The following BLOC1S4 variants were observed in gnomAD, a reference collection of about 807,000 sequenced individuals.
BLOC1S4 encodes biogenesis of lysosomal organelles complex 1 subunit 4.
For synonymous variants in BLOC1S4, 179 were observed against 143.7 expected, an observed-to-expected ratio of 1.25 and a Z score of -1.76; for missense variants, 332 against 308.8, an observed-to-expected ratio of 1.07 and a Z score of -0.56.
rs1336027913 is a variant in BLOC1S4, at chr4:6,717,254, C to T, written c.*391C>T. ...GAATGAACTTTTCTCTGCACTGTGG[C>T]AAAACTGTTATTTTTATGGATTTTA... On this transcript the variant is annotated 3_prime_UTR_variant, in exon 1 of 1. Transcript: ENST00000320776. 5.7e-6 allele frequency: 1 copy of T among 175,176 alleles called. No homozygotes were observed. The highest frequency in any genetic ancestry group is 1.4e-5 in the Non-Finnish European group (1 of 73,850). The allele number at this position is 175,176 out of a possible 1,614,324, so 10.9% of individuals were successfully genotyped here. A position where few individuals can be genotyped will look rare whatever the true frequency, so the allele number is the denominator to read the frequency against.
In BLOC1S4 at chr4:6,716,768, G is replaced by C. The variant is rs1480036280; in HGVS notation, c.559G>C (p.Ala187Pro). 1.9e-6 allele frequency: 3 copies of C among 1,613,932 alleles called. No individual in the cohort carries two copies. In the South Asian group the frequency reaches 3.3e-5, roughly 18 times the overall value. Residue 187 changes from alanine to proline, a missense_variant, in exon 1 of 1, where the codon GCT (alanine) becomes CCT (proline). By Grantham distance (27) the Ala-to-Pro change is conservative. Coordinates refer to ENST00000320776, the MANE Select transcript of BLOC1S4 (RefSeq NM_018366.3). ...CGTGCCCTCGCTCTTTAGCAAGTCT[G>C]CTCCCTCGAGGCCACAGCAAGCCGG... ...MNVPSLFSKS[A>P]PSRPQQAGYE...
chr4:6,716,179 C>A lies in BLOC1S4; in HGVS notation c.-31C>A. On this transcript the variant is annotated 5_prime_UTR_variant, in exon 1 of 1. Transcript: ENST00000320776. ...AGCGTGAGCGCGCGGAGGCCGGAAG[C>A]GAGCGCTGCGCAGTCGGGTGGTCGC... 1.6e-6 allele frequency: 2 copies of A among 1,230,598 alleles called. No homozygotes were observed. Among genetic ancestry groups the A allele is most frequent in the Non-Finnish European group, 2.0e-6 (2 of 985,988 alleles). 76.2% of individuals were successfully genotyped at this position (1,230,598 alleles called of 1,614,324 possible). A position where few individuals can be genotyped will look rare whatever the true frequency, so the allele number is the denominator to read the frequency against.
In BLOC1S4 at chr4:6,716,992, C is replaced by G; in HGVS notation, c.*129C>G. ...GATTTTAAAGTTTACTTTCTACAAACTCTCCGTAGTATATTCATGATTCAG... is the reference window on the plus strand; with the variant it reads ...GATTTTAAAGTTTACTTTCTACAAAGTCTCCGTAGTATATTCATGATTCAG... On this transcript the variant is annotated 3_prime_UTR_variant, in exon 1 of 1. Coordinates refer to ENST00000320776, the MANE Select transcript of BLOC1S4 (RefSeq NM_018366.3). The G allele has an allele frequency of 1.2e-6, 1 of 820,456 alleles. No individual in the cohort carries two copies. Among genetic ancestry groups the G allele is most frequent in the Non-Finnish European group, 1.9e-6 (1 of 525,498 alleles). 50.8% of individuals were successfully genotyped at this position (820,456 alleles called of 1,614,324 possible).
rs1560134436 is a variant in BLOC1S4 at position 6,716,754 on chromosome 4, T to C, written c.545T>C (p.Leu182Pro). The C allele has an allele frequency of 3.7e-6, 6 of 1,613,928 alleles. No homozygotes were observed. In the South Asian group the frequency reaches 5.5e-5, roughly 15 times the overall value. ...CTGCACACGATGAACGTGCCCTCGC[T>C]CTTTAGCAAGTCTGCTCCCTCGAGG... ...KLLHTMNVPS[L>P]FSKSAPSRPQ... Residue 182 changes from leucine to proline, a missense_variant, in exon 1 of 1, where the codon CTC (leucine) becomes CCC (proline). Coordinates refer to ENST00000320776, the MANE Select transcript of BLOC1S4 (RefSeq NM_018366.3).
In BLOC1S4 at chr4:6,716,353, C is replaced by A. The variant is rs1432563803; in HGVS notation, c.144C>A (p.Gly48=). The part of the protein sequence containing the change: ...SSASGPWEDE[G]AEDGAPGRDL... ...CCTCGGGGCCGTGGGAGGACGAGGG[C>A]GCGGAGGACGGCGCGCCGGGCCGCG... The change falls in exon 1 of 1, where the codon GGC becomes GGA. Residue 48 remains glycine (G), a synonymous_variant. Transcript: ENST00000320776. The A allele has an allele frequency of 2.4e-6, 3 of 1,236,432 alleles. No homozygotes were observed. The South Asian group carries it at 1.2e-4, about 50-fold the overall frequency. 76.6% of individuals were successfully genotyped at this position (1,236,432 alleles called of 1,614,324 possible).
In BLOC1S4 at chr4:6,716,411, T is replaced by A; in HGVS notation, c.202T>A (p.Tyr68Asn). Residue 68 changes from tyrosine (Y) to asparagine (N), a missense_variant, in exon 1 of 1, where the codon TAC becomes AAC. Physicochemically the swap from Tyr to Asn is moderately radical, Grantham distance 143. Coordinates refer to ENST00000320776, the MANE Select transcript of BLOC1S4 (RefSeq NM_018366.3). ...LPLLRRAAAG[Y>N]AACLLPGAGA... ...GCTGCTTCGCCGCGCCGCTGCGGGC[T>A]ACGCCGCCTGCCTGCTGCCCGGGGC... is the stretch of plus-strand genomic sequence containing the variant. 6.9e-7 allele frequency: 1 copy of A among 1,452,508 alleles called. No individual in the cohort carries two copies. Among genetic ancestry groups the A allele is most frequent in the Non-Finnish European group, 9.1e-7 (1 of 1,102,580 alleles). 90.0% of individuals were successfully genotyped at this position (1,452,508 alleles called of 1,614,324 possible).
chr4:6,716,322 G>A lies in BLOC1S4; in HGVS notation c.113G>A (p.Ser38Asn). 2.4e-6 allele frequency: 3 copies of A among 1,234,076 alleles called. No individual in the cohort carries two copies. The highest frequency in any genetic ancestry group is 3.0e-6 in the Non-Finnish European group (3 of 990,078). 76.4% of individuals were successfully genotyped at this position (1,234,076 alleles called of 1,614,324 possible). The change falls in exon 1 of 1, where the codon AGC (serine) becomes AAC (asparagine). Residue 38 changes from serine to asparagine, a missense_variant. Ser to Asn is a conservative substitution (Grantham distance 46, BLOSUM62 1). Transcript: ENST00000320776. ...GDSGTVSQSHSSASGPWEDEG... is the reference protein window; with the variant it reads ...GDSGTVSQSHNSASGPWEDEG... Reference sequence around the variant, plus strand: ...AGTGGCACTGTTTCCCAGAGCCACAGCAGCGCCTCGGGGCCGTGGGAGGAC... The same window carrying A: ...AGTGGCACTGTTTCCCAGAGCCACAACAGCGCCTCGGGGCCGTGGGAGGAC...
Position 6,716,246 on chromosome 4 carries a change from G to A in BLOC1S4, c.37G>A (p.Glu13Lys), listed in dbSNP as rs747797436. The A allele has an allele frequency of 6.5e-6, 8 of 1,234,130 alleles. No individual in the cohort carries two copies. In the African/African-American group the frequency reaches 1.2e-4, roughly 19 times the overall value. 76.4% of individuals were successfully genotyped at this position (1,234,130 alleles called of 1,614,324 possible). Residue 13 changes from glutamate (E) to lysine (K), a missense_variant, in exon 1 of 1, where the codon GAG (glutamate) becomes AAG (lysine). Glu to Lys is a moderately conservative substitution (Grantham distance 56). Coordinates refer to ENST00000320776, the MANE Select transcript of BLOC1S4 (RefSeq NM_018366.3). ...CTTTTCGGATGGCGGAGCGCTGCCGGAGGGGCTCGCGGAAGAGGCCGAGCC... is the reference window on the plus strand; with the variant it reads ...CTTTTCGGATGGCGGAGCGCTGCCGAAGGGGCTCGCGGAAGAGGCCGAGCC... Reference protein sequence around the residue: ...GSFSDGGALPEGLAEEAEPQG... With the variant: ...GSFSDGGALPKGLAEEAEPQG...
Position 6,716,732 on chromosome 4 carries a change from C to T in BLOC1S4, c.523C>T (p.His175Tyr). The T allele has an allele frequency of 6.2e-7, 1 of 1,613,690 alleles. No homozygotes were observed. The highest frequency in any genetic ancestry group is 8.5e-7 in the Non-Finnish European group (1 of 1,179,914). ...TFPRAFKKLL[H>Y]TMNVPSLFSK... Reference sequence around the variant, plus strand: ...CCCCAGGGCGTTCAAGAAGCTCCTGCACACGATGAACGTGCCCTCGCTCTT... The same window carrying T: ...CCCCAGGGCGTTCAAGAAGCTCCTGTACACGATGAACGTGCCCTCGCTCTT... The change falls in exon 1 of 1, where the codon CAC becomes TAC. Residue 175 changes from histidine (H) to tyrosine (Y), a missense_variant. By Grantham distance (83) the His-to-Tyr change is moderately conservative. Coordinates refer to ENST00000320776, the MANE Select transcript of BLOC1S4 (RefSeq NM_018366.3).
Position 6,716,545 on chromosome 4 carries a change from C to A in BLOC1S4, c.336C>A (p.His112Gln), listed in dbSNP as rs746865812. 7 of 1,563,198 alleles carry A rather than the reference C, an allele frequency of 4.5e-6. No individual in the cohort carries two copies. Among genetic ancestry groups the A allele is most frequent in the Non-Finnish European group, 6.0e-6 (7 of 1,159,274 alleles). ...ACATGCTTCGCGGCGACTCGTCCCA[C>A]GTCGTCAGCGAGGGCGTGCCGCGCA... ...MLDMLRGDSS[H>Q]VVSEGVPRIH... Residue 112 changes from histidine to glutamine, a missense_variant, in exon 1 of 1, where the codon CAC (histidine) becomes CAA (glutamine). Coordinates refer to ENST00000320776, the MANE Select transcript of BLOC1S4 (RefSeq NM_018366.3).
At position 6,716,610 on chromosome 4, in the gene BLOC1S4, G is replaced by T; in HGVS notation, c.401G>T (p.Arg134Met). The T allele has an allele frequency of 6.2e-7, 1 of 1,606,630 alleles. No homozygotes were observed. Residue 134 changes from arginine to methionine, a missense_variant, in exon 1 of 1, where the codon AGG becomes ATG. Coordinates refer to ENST00000320776, the MANE Select transcript of BLOC1S4 (RefSeq NM_018366.3). The part of the protein sequence containing the change: ...KAAEMRRIYS[R>M]IDRLEAFVRM... The stretch of plus-strand genomic sequence containing the variant: ...GCCGAGATGCGGCGCATCTACAGCA[G>T]GATCGACCGGCTGGAGGCCTTCGTG...
Position 6,716,406 on chromosome 4 carries a change from C to G in BLOC1S4, c.197C>G (p.Ala66Gly), listed in dbSNP as rs759741775. 1 of 1,322,084 alleles carries G rather than the reference C, an allele frequency of 7.6e-7. No homozygotes were observed. Among genetic ancestry groups the G allele is most frequent in the Non-Finnish European group, 9.7e-7 (1 of 1,035,220 alleles). The allele number at this position is 1,322,084 out of a possible 1,614,324, so 81.9% of individuals were successfully genotyped here. A position where few individuals can be genotyped will look rare whatever the true frequency, so the allele number is the denominator to read the frequency against. ...CTGCCGCTGCTTCGCCGCGCCGCTGCGGGCTACGCCGCCTGCCTGCTGCCC... is the reference window on the plus strand; with the variant it reads ...CTGCCGCTGCTTCGCCGCGCCGCTGGGGGCTACGCCGCCTGCCTGCTGCCC... ...RDLPLLRRAA[A>G]GYAACLLPGA... is the part of the protein sequence containing the mutation. The change falls in exon 1 of 1, where the codon GCG becomes GGG. Residue 66 changes from alanine (A) to glycine (G), a missense_variant. By Grantham distance (60) the Ala-to-Gly change is moderately conservative (BLOSUM62 0). Transcript: ENST00000320776.
In BLOC1S4 at chr4:6,717,062, A is replaced by G; in HGVS notation, c.*199A>G. On this transcript the variant is annotated 3_prime_UTR_variant, in exon 1 of 1. Coordinates refer to ENST00000320776, the MANE Select transcript of BLOC1S4 (RefSeq NM_018366.3). ...ATGTCTTCCAAGTTTAAAAAAAGAGACAGGGTCTTGGTATGTTGCCCAGAC... is the reference window on the plus strand; with the variant it reads ...ATGTCTTCCAAGTTTAAAAAAAGAGGCAGGGTCTTGGTATGTTGCCCAGAC... The G allele has an allele frequency of 1.8e-6, 1 of 563,068 alleles. No individual in the cohort carries two copies. The highest frequency in any genetic ancestry group is 3.3e-5 in the East Asian group (1 of 30,606). The allele number at this position is 563,068 out of a possible 1,614,324, so 34.9% of individuals were successfully genotyped here. A position where few individuals can be genotyped will look rare whatever the true frequency, so the allele number is the denominator to read the frequency against.
Position 6,716,581 on chromosome 4 carries a change from G to T in BLOC1S4, c.372G>T (p.Lys124Asn). ...VSEGVPRIHAKAAEMRRIYSR... is the reference protein window; with the variant it reads ...VSEGVPRIHANAAEMRRIYSR... ...AGGGCGTGCCGCGCATCCACGCGAA[G>T]GCCGCCGAGATGCGGCGCATCTACA... Residue 124 changes from lysine to asparagine, a missense_variant, in exon 1 of 1, where the codon AAG becomes AAT. Coordinates refer to ENST00000320776, the MANE Select transcript of BLOC1S4 (RefSeq NM_018366.3). The T allele has an allele frequency of 6.3e-7, 1 of 1,594,530 alleles. No homozygotes were observed. Among genetic ancestry groups the T allele is most frequent in the Non-Finnish European group, 8.5e-7 (1 of 1,174,652 alleles).
In BLOC1S4 at chr4:6,716,585, G is replaced by T. The variant is rs1476010406; in HGVS notation, c.376G>T (p.Ala126Ser). ...CGTGCCGCGCATCCACGCGAAGGCC[G>T]CCGAGATGCGGCGCATCTACAGCAG... ...EGVPRIHAKA[A>S]EMRRIYSRID... Residue 126 changes from alanine to serine, a missense_variant, in exon 1 of 1, where the codon GCC becomes TCC. By Grantham distance (99) the Ala-to-Ser change is moderately conservative. Transcript: ENST00000320776. 1 of 1,597,296 alleles carries T rather than the reference G, an allele frequency of 6.3e-7. No individual in the cohort carries two copies. The highest frequency in any genetic ancestry group is 8.5e-7 in the Non-Finnish European group (1 of 1,175,862).
At position 6,716,553 on chromosome 4, in the gene BLOC1S4, G is replaced by T; in HGVS notation, c.344G>T (p.Ser115Ile). 6.4e-7 allele frequency: 1 copy of T among 1,570,706 alleles called. No homozygotes were observed. Residue 115 changes from serine to isoleucine, a missense_variant, in exon 1 of 1, where the codon AGC becomes ATC. Ser to Ile is a moderately radical substitution (Grantham distance 142). Coordinates refer to ENST00000320776, the MANE Select transcript of BLOC1S4 (RefSeq NM_018366.3). ...CGCGGCGACTCGTCCCACGTCGTCA[G>T]CGAGGGCGTGCCGCGCATCCACGCG... is the stretch of plus-strand genomic sequence containing the variant. The part of the protein sequence containing the change: ...MLRGDSSHVV[S>I]EGVPRIHAKA...
chr4:6,716,403 C>T lies in BLOC1S4; in HGVS notation c.194C>T (p.Ala65Val). 1.4e-5 allele frequency: 18 copies of T among 1,319,104 alleles called. No individual in the cohort carries two copies. Among genetic ancestry groups the T allele is most frequent in the South Asian group, 2.1e-5 (1 of 47,456 alleles). The allele number at this position is 1,319,104 out of a possible 1,614,324, so 81.7% of individuals were successfully genotyped here. ...GRDLPLLRRA[A>V]AGYAACLLPG... ...GACCTGCCGCTGCTTCGCCGCGCCG[C>T]TGCGGGCTACGCCGCCTGCCTGCTG... Residue 65 changes from alanine (A) to valine (V), a missense_variant, in exon 1 of 1, where the codon GCT becomes GTT. Transcript: ENST00000320776.
rs765701683 is a variant in BLOC1S4, at chr4:6,716,865, G to A, written c.*2G>A. The A allele has an allele frequency of 6.3e-7, 1 of 1,584,036 alleles. No homozygotes were observed. On this transcript the variant is annotated 3_prime_UTR_variant, in exon 1 of 1. Transcript: ENST00000320776. ...TGCAGTGAAAGGCCTCAGCTCTGAC[G>A]GCCTGACCACTGCGGCAAGAGGACC...
Position 6,716,561 on chromosome 4 carries a change from G to A in BLOC1S4, c.352G>A (p.Val118Met). Residue 118 changes from valine to methionine, a missense_variant, in exon 1 of 1, where the codon GTG becomes ATG. Val to Met is a conservative substitution (Grantham distance 21, BLOSUM62 1). Transcript: ENST00000320776. ...GDSSHVVSEG[V>M]PRIHAKAAEM... The stretch of plus-strand genomic sequence containing the variant: ...CTCGTCCCACGTCGTCAGCGAGGGC[G>A]TGCCGCGCATCCACGCGAAGGCCGC... The A allele has an allele frequency of 6.3e-7, 1 of 1,578,296 alleles. No individual in the cohort carries two copies.
Sources: allele counts gnomAD v4.1 joint callset, GRCh38; gene constraint gnomAD v4.1.1; transcripts MANE v1.5; gene names NCBI Gene and HGNC (gene_info 2026-07-23, HGNC 2026-07-21).